FKTN: variants seen among roughly 807,000 people sequenced by gnomAD.
The protein encoded by FKTN is fukutin.
FKTN carries 47 observed loss-of-function variants against 58.6 expected under a neutral mutation model. That is an observed-to-expected ratio of 0.80 (90% CI 0.63 to 1.02). FKTN has a LOEUF of 1.02. Among genes scored for constraint, FKTN ranks in the 50% least tolerant of loss-of-function variants. The pLI is 0.00. For missense variants in FKTN, 516 were observed against 537.3 expected (o/e 0.96, Z 0.39); for synonymous variants, 178 against 191.9 (o/e 0.93, Z 0.60).
chr9:105,602,641 C>T (rs980268725), intron 5 of FKTN, among the ~76,000 whole-genome samples: 21 of 152,318 alleles, frequency 1.4e-4, no homozygotes, highest in South Asian at 8.3e-4. Flanking sequence ...CTGCAATCTC[C>T]GCCTCCCAGG....
intron 3 of FKTN, among the ~76,000 whole-genome samples, chr9:105,581,623 T>C (rs973171225): frequency 6.6e-6 from 1 of 152,168 alleles, no homozygotes; most frequent in African/African-American, 2.4e-5. Context: ...TCTTTTTGTT[T>C]GTCTGTGCCC....
rs1014071784 is a variant in FKTN, at chr9:105,635,726, T to C, written c.*462T>C. The stretch of plus-strand genomic sequence containing the variant: ...TGGTATGTTAGTGCTACTTTTAAGA[T>C]TGTGGAGTCTGAGTTAATATTCAAG... On this transcript the variant is annotated 3_prime_UTR_variant, in exon 11 of 11. Coordinates refer to ENST00000357998, the MANE Select transcript of FKTN (RefSeq NM_001079802.2). The C allele has an allele frequency of 5.9e-6, 6 of 1,024,642 alleles. No individual in the cohort carries two copies. The highest frequency in any genetic ancestry group is 5.2e-5 in the African/African-American group (3 of 58,220). 63.5% of individuals were successfully genotyped at this position (1,024,642 alleles called of 1,614,324 possible).
At chr9:105,572,275 A>G (rs1840875996) in intron 1 of FKTN, among the ~76,000 whole-genome samples, 1 of 151,822 alleles carries the variant, frequency 6.6e-6, no homozygotes, top group Non-Finnish European at 1.5e-5. Flanking sequence ...TTATATAGTC[A>G]TCAGCTCTGG....
chr9:105,583,377 C>T (rs1470313186), intron 3 of FKTN, among the ~76,000 whole-genome samples: 2 of 152,112 alleles, frequency 1.3e-5, no homozygotes, highest in Admixed American at 6.5e-5. Flanking sequence ...GAGGAGTCTA[C>T]CCCAAAACCT....
rs1834028495 is a variant in FKTN at position 105,636,272 on chromosome 9, C to T, written c.*1008C>T. 2.1e-6 allele frequency: 2 copies of T among 945,674 alleles called. No homozygotes were observed. The highest frequency in any genetic ancestry group is 1.8e-5 in the African/African-American group (1 of 56,348). The allele number at this position is 945,674 out of a possible 1,614,324, so 58.6% of individuals were successfully genotyped here. A position where few individuals can be genotyped will look rare whatever the true frequency, so the allele number is the denominator to read the frequency against. On this transcript the variant is annotated 3_prime_UTR_variant, in exon 11 of 11. Coordinates refer to ENST00000357998, the MANE Select transcript of FKTN (RefSeq NM_001079802.2). ...CTTTATTATCTTCATTTATCAATTA[C>T]AGCTTCGTATCTCTAATTTATGGTC...
chr9:105,591,601 A>T (rs1482120279), intron 3 of FKTN, among the ~76,000 whole-genome samples: 1 of 152,138 alleles, frequency 6.6e-6, no homozygotes, highest in South Asian at 2.1e-4. Flanking sequence ...AACTGCTCTC[A>T]TGGGCTGACA....
intron 10 of FKTN, among the ~76,000 whole-genome samples, chr9:105,621,362 G>A (rs1831910030): frequency 6.6e-6 from 1 of 152,096 alleles, no homozygotes; most frequent in African/African-American, 2.4e-5. Flanking sequence ...TTAAGAAAAT[G>A]TAGTATTTTT....
intron 3 of FKTN, among the ~76,000 whole-genome samples, chr9:105,576,534 A>G (rs1163065193): frequency 6.9e-6 from 1 of 145,826 alleles, no homozygotes; most frequent in Non-Finnish European, 1.5e-5. Flanking sequence ...TCCATGGTGT[A>G]TATGTGCCAC....
intron 1 of FKTN, among the ~76,000 whole-genome samples, chr9:105,564,002 G>A (rs1027705208): frequency 3.3e-5 from 5 of 152,184 alleles, no homozygotes; most frequent in Admixed American, 6.5e-5. Flanking sequence ...AGCAATATTC[G>A]CTGTTCTGCA....
intron 10 of FKTN, among the ~76,000 whole-genome samples, chr9:105,624,732 C>A (rs1832545476): frequency 6.6e-6 from 1 of 152,058 alleles, no homozygotes; most frequent in African/African-American, 2.4e-5. Flanking sequence ...CCCAGTCTCC[C>A]TTTCAAAATC....
chr9:105,575,074 G>A lies in FKTN; in HGVS notation c.42G>A (p.Thr14=), dbSNP rs78794935. The part of the protein sequence containing the change: ...INKNVVLALL[T]LTSSAFLLFQ... ...AGAACGTGGTTTTGGCCCTTTTAAC[G>A]CTGACAAGTTCTGCATTTCTGCTGT... Residue 14 remains threonine, a synonymous_variant, in exon 3 of 11, where the codon ACG becomes ACA. Transcript: ENST00000357998. The A allele has an allele frequency of 1.6e-3, 2,655 of 1,612,126 alleles. 44 individuals are homozygous for A. The African/African-American group carries it at 0.032, about 19-fold the overall frequency.
intron 10 of FKTN, among the ~76,000 whole-genome samples, chr9:105,634,325 G>A (rs1452623671): frequency 1.3e-5 from 2 of 151,986 alleles, no homozygotes; most frequent in Admixed American, 6.6e-5. Context: ...GTAGAGATGG[G>A]GTTTCGTCAT....
rs1840669904 is a variant in FKTN, at chr9:105,571,166, C to T, written c.-180-2489C>T. ...CAGTGTATAGGTAAGATTGTGGATA[C>T]AGAGAAAGTGGAGACAGGGACATCA... On this transcript the variant is annotated intron_variant, in intron 1 of 10. Transcript: ENST00000357998. Among the ~76,000 whole-genome samples the T allele has an allele frequency of 2.6e-5, 4 of 152,166 alleles. No homozygotes were observed. In the South Asian group the frequency reaches 6.2e-4, roughly 24 times the overall value.
Position 105,617,963 on chromosome 9 carries a change from G to C in FKTN, c.915G>C (p.Trp305Cys). The part of the protein sequence containing the change: ...FWLSSGTCLG[W>C]YRQCNIIPYS... ...AAAATTTAATCTTCTTTTTAGGATG[G>C]TATCGACAATGCAACATTATTCCTT... The change falls in exon 9 of 11, where the codon TGG becomes TGC. Residue 305 changes from tryptophan to cysteine, a missense_variant. Trp to Cys is a radical substitution (Grantham distance 215, BLOSUM62 -2). Coordinates refer to ENST00000357998, the MANE Select transcript of FKTN (RefSeq NM_001079802.2). The C allele has an allele frequency of 6.3e-7, 1 of 1,580,084 alleles. No homozygotes were observed. Among genetic ancestry groups the C allele is most frequent in the Non-Finnish European group, 8.7e-7 (1 of 1,150,754 alleles).
intron 4 of FKTN, among the ~76,000 whole-genome samples, chr9:105,597,800 AAC>A (rs1827079821): frequency 1.3e-5 from 2 of 152,136 alleles, no homozygotes; most frequent in South Asian, 4.1e-4. Flanking sequence ...TACTTAGAGA[AAC>A]ATATATTTTT....
chr9:105,607,920 G>A lies in FKTN; in HGVS notation c.749G>A (p.Cys250Tyr), dbSNP rs762191272. ...GTACCACACTCTAGGTTTATTGAGTGTAGGTATAAAGAAGCTCGAGCATTC... is the reference window on the plus strand; with the variant it reads ...GTACCACACTCTAGGTTTATTGAGTATAGGTATAAAGAAGCTCGAGCATTC... Reference protein sequence around the residue: ...EEVPHSRFIECRYKEARAFFQ... With the variant: ...EEVPHSRFIEYRYKEARAFFQ... The change falls in exon 7 of 11, where the codon TGT (cysteine) becomes TAT (tyrosine). Residue 250 changes from cysteine (C) to tyrosine (Y), a missense_variant. Coordinates refer to ENST00000357998, the MANE Select transcript of FKTN (RefSeq NM_001079802.2). 1.2e-6 allele frequency: 2 copies of A among 1,611,836 alleles called. No homozygotes were observed. The highest frequency in any genetic ancestry group is 1.7e-6 in the Non-Finnish European group (2 of 1,178,054).
At chr9:105,561,329 C>A (rs1838267585) in intron 1 of FKTN, among the ~76,000 whole-genome samples, 1 of 149,358 alleles carries the variant, frequency 6.7e-6, no homozygotes, top group South Asian at 2.1e-4. Context: ...AACATAATTA[C>A]ATGTGGGCTC....
intron 3 of FKTN, among the ~76,000 whole-genome samples, chr9:105,593,122 A>G (rs1845204277): frequency 1.3e-5 from 2 of 152,208 alleles, no homozygotes; most frequent in Non-Finnish European, 2.9e-5. Context: ...CTGTACAGGA[A>G]GCATGATACT....
At position 105,638,864 on chromosome 9, in the gene FKTN, A is replaced by C; in HGVS notation, c.*3600A>C. The C allele has an allele frequency of 1.0e-6, 1 of 984,898 alleles. No homozygotes were observed. Among genetic ancestry groups the C allele is most frequent in the Non-Finnish European group, 1.2e-6 (1 of 829,434 alleles). 61.0% of individuals were successfully genotyped at this position (984,898 alleles called of 1,614,324 possible). ...CCATTGTTTTTATTCTTACACGACT[A>C]CAGTACTTCAAATGGCACATAGATA... On this transcript the variant is annotated 3_prime_UTR_variant, in exon 11 of 11. Coordinates refer to ENST00000357998, the MANE Select transcript of FKTN (RefSeq NM_001079802.2).
Sources: gnomAD v4.1 joint callset for allele counts (sites outside exome capture counted in the v4.1 genomes callset) on GRCh38, gnomAD v4.1.1 for gene constraint, MANE v1.5 for transcripts, NCBI Gene and HGNC (gene_info 2026-07-23, HGNC 2026-07-21) for gene names.